The following MARK1 variants were observed in gnomAD, a reference collection of about 807,000 sequenced individuals.
MARK1 encodes the protein microtubule affinity regulating kinase 1.
Under a neutral mutation model 96.3 loss-of-function variants are expected in MARK1, and 40 were observed. That is an observed-to-expected ratio of 0.42 (90% confidence interval 0.32 to 0.54). The LOEUF (loss-of-function observed/expected upper bound fraction) is 0.54. MARK1 is among the 20% of genes least tolerant of loss of function. MARK1 has a pLI of 0.16. For synonymous variants in MARK1, 317 were observed against 341.2 expected, an observed-to-expected ratio of 0.93 and a Z score of 0.78; for missense variants, 719 against 984.6, an observed-to-expected ratio of 0.73 and a Z score of 3.61.
intron 13 of MARK1, among the ~76,000 whole-genome samples, chr1:220,647,592 A>G (rs1668650119): frequency 6.6e-6 from 1 of 152,178 alleles, no homozygotes; most frequent in Non-Finnish European, 1.5e-5. Context: ...GTTCATGCAC[A>G]CTTATGTTCA....
intron 1 of MARK1, among the ~76,000 whole-genome samples, chr1:220,541,590 G>A (rs1157613598): frequency 6.6e-6 from 1 of 152,030 alleles, no homozygotes; most frequent in African/African-American, 2.4e-5. Context: ...TTCTGATGTT[G>A]GGTACATATG....
chr1:220,598,264 T>C, intron 3 of MARK1, 67 bp from the exon 4 acceptor site: 1 of 508,586 alleles, frequency 2.0e-6, no homozygotes, highest in Non-Finnish European at 3.8e-6. Flanking sequence ...CAAATAAATA[T>C]TTTAATTGGC....
At chr1:220,530,394 G>T (rs752417400) in intron 1 of MARK1, among the ~76,000 whole-genome samples, 1 of 152,072 alleles carries the variant, frequency 6.6e-6, no homozygotes, top group Non-Finnish European at 1.5e-5. Flanking sequence ...AGCCGAGTTG[G>T]CACAGAATTT....
At chr1:220,582,403 A>G (rs1664300552) in intron 3 of MARK1, among the ~76,000 whole-genome samples, 1 of 152,198 alleles carries the variant, frequency 6.6e-6, no homozygotes, top group African/African-American at 2.4e-5. Flanking sequence ...CCAATTAACT[A>G]TGCAAAGATG....
At chr1:220,543,198 T>C (rs1243878594) in intron 1 of MARK1, among the ~76,000 whole-genome samples, 3 of 152,216 alleles carry the variant, frequency 2.0e-5, no homozygotes, top group Non-Finnish European at 2.9e-5. Context: ...CTTCCATTTA[T>C]GTGAGATGCT....
chr1:220,583,110 T>C (rs1664352887), intron 3 of MARK1, among the ~76,000 whole-genome samples: 1 of 152,216 alleles, frequency 6.6e-6, no homozygotes. Context: ...ACAATCCATT[T>C]TTCCCTAGCA....
chr1:220,534,907 T>G (rs549490314), intron 1 of MARK1, among the ~76,000 whole-genome samples: 1 of 152,276 alleles, frequency 6.6e-6, no homozygotes, highest in East Asian at 1.9e-4. Flanking sequence ...TACCTTGTTT[T>G]GTTTATCTGT....
intron 1 of MARK1, among the ~76,000 whole-genome samples, chr1:220,556,323 A>G (rs1380836567): frequency 6.6e-6 from 1 of 152,140 alleles, no homozygotes; most frequent in Admixed American, 6.6e-5. Context: ...TTAAATGATT[A>G]TTCTAAATAA....
chr1:220,614,163 A>G (rs1309525073), intron 6 of MARK1, among the ~76,000 whole-genome samples: 1 of 152,016 alleles, frequency 6.6e-6, no homozygotes, highest in East Asian at 1.9e-4. Flanking sequence ...GCACACCACC[A>G]CACCTAGCTA....
intron 6 of MARK1, among the ~76,000 whole-genome samples, chr1:220,611,502 G>A (rs1013670557): frequency 5.3e-5 from 8 of 152,178 alleles, no homozygotes; most frequent in Non-Finnish European, 1.2e-4. Flanking sequence ...GGCTAGGAAA[G>A]GGAAATACCC....
intron 1 of MARK1, among the ~76,000 whole-genome samples, chr1:220,536,065 T>A (rs908662411): frequency 6.6e-6 from 1 of 152,178 alleles, no homozygotes; most frequent in African/African-American, 2.4e-5. Flanking sequence ...TAGTTCTTTG[T>A]TAGTGCATAG....
chr1:220,607,361 G>A (rs1319845009), intron 6 of MARK1, among the ~76,000 whole-genome samples: 1 of 151,990 alleles, frequency 6.6e-6, no homozygotes, highest in Admixed American at 6.6e-5. Flanking sequence ...GTGATTTTTT[G>A]CACATTCATT....
At chr1:220,623,337 A>G (rs1248217304) in intron 9 of MARK1, among the ~76,000 whole-genome samples, 1 of 152,208 alleles carries the variant, frequency 6.6e-6, no homozygotes, top group East Asian at 1.9e-4. Context: ...CAGGTAGTCC[A>G]TATCTCTCTT....
At chr1:220,576,572 T>C (rs1296506175) in intron 1 of MARK1, 1 of 152,220 alleles carries the variant, frequency 6.6e-6, no homozygotes, top group Non-Finnish European at 1.5e-5. Flanking sequence ...ATAGTATTAA[T>C]ATATAGCCTA....
chr1:220,554,500 T>C (rs1390519077), intron 1 of MARK1, among the ~76,000 whole-genome samples: 1 of 152,188 alleles, frequency 6.6e-6, no homozygotes, highest in Non-Finnish European at 1.5e-5. Context: ...CAAAGAATTA[T>C]GTGGCCCCAA....
intron 15 of MARK1, 49 bp from the exon 16 acceptor site, chr1:220,653,052 G>A: frequency 6.3e-7 from 1 of 1,596,296 alleles, no homozygotes; most frequent in Non-Finnish European, 8.6e-7. Flanking sequence ...TTGAGTGAAA[G>A]GTTTTCTTGT....
At chr1:220,617,165 A>C (rs894926867) in intron 7 of MARK1, among the ~76,000 whole-genome samples, 1 of 152,212 alleles carries the variant, frequency 6.6e-6, no homozygotes, top group Non-Finnish European at 1.5e-5. Flanking sequence ...AAATGTGACA[A>C]TCTAATATAA....
chr1:220,620,669 A>G (rs928982264), intron 9 of MARK1, among the ~76,000 whole-genome samples: 1 of 152,118 alleles, frequency 6.6e-6, no homozygotes. Flanking sequence ...GAGTGCTTTG[A>G]GTTGAATTTA....
intron 1 of MARK1, chr1:220,572,178 C>G (rs1427683933): frequency 6.6e-6 from 1 of 152,178 alleles, no homozygotes; most frequent in Non-Finnish European, 1.5e-5. Context: ...TTTAAGAAAT[C>G]TGTAAGCTTC....
Sources: allele counts gnomAD v4.1 joint callset (sites outside exome capture counted in the v4.1 genomes callset), GRCh38; gene constraint gnomAD v4.1.1; transcripts MANE v1.5; gene names NCBI Gene and HGNC (gene_info 2026-07-23, HGNC 2026-07-21).